The following DLGAP1 variants were observed in gnomAD, a reference collection of about 807,000 sequenced individuals.
The protein encoded by DLGAP1 is DLG associated protein 1.
DLGAP1 carries 11 observed loss-of-function variants against 90.8 expected under a neutral mutation model. The observed-to-expected ratio is 0.12, with a 90% confidence interval of 0.08 to 0.20. The LOEUF is 0.20. DLGAP1 is among the 10% of genes least tolerant of loss of function. The probability of loss-of-function intolerance (pLI) is 1.00; values close to 1 mark genes in which losing one functional copy is unlikely to be tolerated. For synonymous variants in DLGAP1, 558 were observed against 540.7 expected (o/e 1.03, Z -0.44); for missense variants, 1,050 against 1,333.8 (o/e 0.79, Z 3.31).
rs1331294146 is a variant in DLGAP1 at position 3,712,519 on chromosome 18, C to T, written c.1591+16616G>A. On this transcript the variant is annotated intron_variant, in intron 7 of 12. Coordinates refer to ENST00000315677, the MANE Select transcript of DLGAP1 (RefSeq NM_004746.4). Reference sequence around the variant, plus strand: ...CAGAACACCTCATGGAATTATTTAACCTCAGTTATTAAGAGCTAATAGGGA... The same window carrying T: ...CAGAACACCTCATGGAATTATTTAATCTCAGTTATTAAGAGCTAATAGGGA... Among the ~76,000 whole-genome samples the T allele has an allele frequency of 2.0e-5, 3 of 152,202 alleles. No individual in the cohort carries two copies. The South Asian group carries it at 6.2e-4, about 32-fold the overall frequency.
intron 1 of DLGAP1, among the ~76,000 whole-genome samples, chr18:4,266,807 A>T (rs1179945787): frequency 6.6e-6 from 1 of 152,220 alleles, no homozygotes; most frequent in African/African-American, 2.4e-5. Context: ...GCTGTCTGTG[A>T]TTTTTTTAAA....
intron 1 of DLGAP1, among the ~76,000 whole-genome samples, chr18:4,347,918 A>C (rs1007271699): frequency 3.6e-5 from 1 of 27,902 alleles, no homozygotes; most frequent in African/African-American, 4.3e-5. Flanking sequence ...AGAATCAATA[A>C]TAATTAATGT....
At chr18:4,387,201 G>C (rs971378903) in intron 1 of DLGAP1, among the ~76,000 whole-genome samples, 1 of 152,174 alleles carries the variant, frequency 6.6e-6, no homozygotes, top group African/African-American at 2.4e-5. Flanking sequence ...ATATCAATCA[G>C]TCAAGAGGCA....
At chr18:4,299,728 T>C (rs1007284898) in intron 1 of DLGAP1, among the ~76,000 whole-genome samples, 3 of 152,152 alleles carry the variant, frequency 2.0e-5, no homozygotes, top group Admixed American at 1.3e-4. Flanking sequence ...TACCAGAAGG[T>C]TACCTTAGGA....
At chr18:4,332,097 C>G (rs111474388) in intron 1 of DLGAP1, among the ~76,000 whole-genome samples, 42 of 151,924 alleles carry the variant, frequency 2.8e-4, no homozygotes, top group African/African-American at 1.0e-3. Flanking sequence ...TGGAAATCAA[C>G]TGAGGCTGTA....
intron 4 of DLGAP1, among the ~76,000 whole-genome samples, chr18:3,836,944 A>G (rs141710072): frequency 3.8e-3 from 582 of 152,362 alleles, no homozygotes; most frequent in Non-Finnish European, 6.2e-3. Context: ...AATGATGAAC[A>G]ATGAAGCAGG....
intron 4 of DLGAP1, among the ~76,000 whole-genome samples, chr18:3,822,192 C>T (rs1318732330): frequency 6.6e-6 from 1 of 152,162 alleles, no homozygotes; most frequent in Non-Finnish European, 1.5e-5. Flanking sequence ...TTTTAGATTG[C>T]TTAAAATTAC....
At chr18:3,858,528 GCACACACACACACACA>G (rs148706272) in intron 4 of DLGAP1, among the ~76,000 whole-genome samples, 1 of 139,940 alleles carries the variant, frequency 7.1e-6, no homozygotes, top group Admixed American at 7.3e-5. Context: ...ATATATATAT[GCACACACACACACACA>G]CATATATATA....
At chr18:4,257,625 CCTTT>C (rs1264691768) in intron 1 of DLGAP1, among the ~76,000 whole-genome samples, 1 of 151,270 alleles carries the variant, frequency 6.6e-6, no homozygotes, top group Non-Finnish European at 1.5e-5. Flanking sequence ...TTTTTCTTTT[CCTTT>C]CTTTTTTTTT....
chr18:3,879,006 T>C lies in DLGAP1; in HGVS notation c.957+106A>G. On this transcript the variant is annotated intron_variant, in intron 4 of 12. Transcript: ENST00000315677. The surrounding 1 kb of genome is among the most constrained non-coding windows in gnomAD (Gnocchi z 6.6). ...GCCGAATAATTTGCACAGGTTCCTA[T>C]CTTAATAGACAATTCAGAGTAGTGC... 1 of 960,806 alleles carries C rather than the reference T, an allele frequency of 1.0e-6. No homozygotes were observed. The highest frequency in any genetic ancestry group is 1.4e-6 in the Non-Finnish European group (1 of 694,860). The allele number at this position is 960,806 out of a possible 1,614,324, so 59.5% of individuals were successfully genotyped here.
At chr18:4,397,323 T>C (rs559143344) in intron 1 of DLGAP1, among the ~76,000 whole-genome samples, 1 of 152,338 alleles carries the variant, frequency 6.6e-6, no homozygotes, top group Non-Finnish European at 1.5e-5. Context: ...TTTTGGTTAC[T>C]TGTAACTGAT....
At position 3,765,179 on chromosome 18, in the gene DLGAP1, G is replaced by C. The variant is rs944101215; in HGVS notation, c.1173-22667C>G. 7.6e-4 allele frequency among the ~76,000 whole-genome samples: 101 copies of C among 132,236 alleles called. 2 individuals carry two copies. The highest frequency in any genetic ancestry group is 2.8e-3 in the African/African-American group (94 of 33,134). 86.8% of individuals were successfully genotyped at this position (132,236 alleles called of 152,430 possible). A position where few individuals can be genotyped will look rare whatever the true frequency, so the allele number is the denominator to read the frequency against. On this transcript the variant is annotated intron_variant, in intron 5 of 12. Coordinates refer to ENST00000315677, the MANE Select transcript of DLGAP1 (RefSeq NM_004746.4). Reference sequence around the variant, plus strand: ...GTCTCGCTCTGTTGCCCAGGCTGGAGTGCAGTGGCGCAGTCTCGGCTCATT... The same window carrying C: ...GTCTCGCTCTGTTGCCCAGGCTGGACTGCAGTGGCGCAGTCTCGGCTCATT...
At chr18:4,428,603 C>A (rs2083209524) in intron 1 of DLGAP1, among the ~76,000 whole-genome samples, 1 of 151,838 alleles carries the variant, frequency 6.6e-6, no homozygotes, top group South Asian at 2.1e-4. Context: ...GTAGCACCTC[C>A]CCCGTCTCTC....
chr18:3,657,851 G>A (rs977317660), intron 7 of DLGAP1, among the ~76,000 whole-genome samples: 2 of 151,766 alleles, frequency 1.3e-5, no homozygotes, highest in Admixed American at 6.6e-5. Context: ...TGATCCGCCC[G>A]CCTCGGCCTC....
At chr18:4,099,015 A>G (rs938114707) in intron 2 of DLGAP1, among the ~76,000 whole-genome samples, 1 of 152,186 alleles carries the variant, frequency 6.6e-6, no homozygotes, top group Admixed American at 6.5e-5. Context: ...GTAACTTTAC[A>G]TAAGTTACTT....
intron 2 of DLGAP1, among the ~76,000 whole-genome samples, chr18:4,027,153 G>A (rs937073316): frequency 2.6e-5 from 4 of 151,874 alleles, no homozygotes; most frequent in African/African-American, 7.3e-5. Context: ...GGAGGTTTTT[G>A]GTATATCCTA....
intron 5 of DLGAP1, among the ~76,000 whole-genome samples, chr18:3,780,180 T>TTACATTATTATTA (rs2065127622): frequency 1.3e-5 from 2 of 152,206 alleles, no homozygotes; most frequent in Non-Finnish European, 2.9e-5. Flanking sequence ...ATAACTGGCA[T>TTACATTATTATTA]GGGTAAAAAA....
chr18:3,652,509 T>G (rs1467367402), intron 7 of DLGAP1, among the ~76,000 whole-genome samples: 1 of 151,404 alleles, frequency 6.6e-6, no homozygotes, highest in Non-Finnish European at 1.5e-5. Flanking sequence ...TACAAAATAT[T>G]TTTTGTAGAG....
chr18:4,093,773 T>C (rs2075627231), intron 2 of DLGAP1, among the ~76,000 whole-genome samples: 2 of 152,144 alleles, frequency 1.3e-5, no homozygotes, highest in African/African-American at 2.4e-5. Flanking sequence ...TAAAATTTGA[T>C]GGCTTTTTTC....
Sources: gnomAD v4.1 joint callset for allele counts (sites outside exome capture counted in the v4.1 genomes callset) on GRCh38, gnomAD v4.1.1 for gene constraint, Gnocchi (gnomAD v3.1) non-coding constraint, MANE v1.5 for transcripts, NCBI Gene and HGNC (gene_info 2026-07-23, HGNC 2026-07-21) for gene names.